The following DYSF variants were observed in gnomAD, a reference collection of about 807,000 sequenced individuals.
DYSF encodes dysferlin, also known as dystrophy-associated fer-1-like 1.
DYSF carries 212 observed loss-of-function variants against 274.9 expected under a neutral mutation model. That is an observed-to-expected ratio of 0.77 (90% confidence interval 0.69 to 0.86). The LOEUF is 0.86. Ranked by LOEUF, DYSF falls within the 40% of genes least tolerant of loss-of-function variation. The pLI, the probability that DYSF is intolerant of heterozygous loss-of-function variation, is 0.00. For missense variants in DYSF, 2,666 were observed against 2,783.2 expected (o/e 0.96, Z 0.95); for synonymous variants, 1,091 against 1,078.7 (o/e 1.01, Z -0.22).
Position 71,667,450 on chromosome 2 carries a change from G to T in DYSF, c.5392G>T (p.Gly1798Cys). Residue 1798 changes from glycine (G) to cysteine (C), a missense_variant, in exon 48 of 56, where the codon GGC (glycine) becomes TGC (cysteine). Coordinates refer to ENST00000410020, the MANE Select transcript of DYSF (RefSeq NM_001130987.2). ...GGCTCTGCATGTGCTTCAGCAGCAG[G>T]GCCTGGTCCCGGAGCACGTGGAGTC... ...RLALHVLQQQ[G>C]LVPEHVESRP... 1 of 1,614,092 alleles carries T rather than the reference G, an allele frequency of 6.2e-7. No individual in the cohort carries two copies. Among genetic ancestry groups the T allele is most frequent in the Non-Finnish European group, 8.5e-7 (1 of 1,180,020 alleles).
At chr2:71,663,891 G>A (rs1170859152) in intron 45 of DYSF, among the ~76,000 whole-genome samples, 1 of 151,896 alleles carries the variant, frequency 6.6e-6, no homozygotes. Flanking sequence ...TGGACTGGAG[G>A]TACCAGTCGT....
At chr2:71,543,570 A>C (rs931632855) in intron 17 of DYSF, among the ~76,000 whole-genome samples, 2 of 152,242 alleles carry the variant, frequency 1.3e-5, no homozygotes, top group Admixed American at 6.5e-5. Flanking sequence ...AGCCTGGGCA[A>C]CATTGAGCAC....
At chr2:71,510,560 T>A (rs2085985274) in intron 4 of DYSF, among the ~76,000 whole-genome samples, 2 of 152,182 alleles carry the variant, frequency 1.3e-5, no homozygotes, top group South Asian at 4.1e-4. Flanking sequence ...TTTCCACCAG[T>A]GCTGCTCTCC....
intron 12 of DYSF, 82 bp downstream of exon 12, chr2:71,520,986 C>G (rs1178243630): frequency 1.7e-6 from 2 of 1,174,502 alleles, no homozygotes; most frequent in Non-Finnish European, 2.5e-6. Flanking sequence ...AACAAAAACT[C>G]TATTTTTTTT....
At chr2:71,677,138 G>A (rs1258663711) in intron 52 of DYSF, among the ~76,000 whole-genome samples, 1 of 152,148 alleles carries the variant, frequency 6.6e-6, no homozygotes, top group Non-Finnish European at 1.5e-5. Context: ...TAGATATAGT[G>A]CTTAACAAAT....
At position 71,480,883 on chromosome 2, in the gene DYSF, G is replaced by T. The variant is rs1380358087; in HGVS notation, c.92G>T (p.Gly31Val). ...ATTCTCCCTTTTGTGTCTCTTGTAG[G>T]GGTGAAGAAGAGAACCAAAGTCATC... Reference protein sequence around the residue: ...SDPVASLTFRGVKKRTKVIKN... With the variant: ...SDPVASLTFRVVKKRTKVIKN... Residue 31 changes from glycine to valine, a missense_variant and splice_region_variant, in exon 2 of 56, where the codon GGG becomes GTG. Gly to Val is a moderately radical substitution (Grantham distance 109). Transcript: ENST00000410020. 1 of 1,613,698 alleles carries T rather than the reference G, an allele frequency of 6.2e-7. No homozygotes were observed. The highest frequency in any genetic ancestry group is 8.5e-7 in the Non-Finnish European group (1 of 1,179,718).
At chr2:71,648,827 A>G (rs914851858) in intron 42 of DYSF, among the ~76,000 whole-genome samples, 1 of 152,220 alleles carries the variant, frequency 6.6e-6, no homozygotes, top group African/African-American at 2.4e-5. Context: ...ACAGCATTCC[A>G]TATCCAAAGA....
Position 71,549,221 on chromosome 2 carries a change from T to G in DYSF, c.1577-1820T>G, listed in dbSNP as rs1282308071. Reference sequence around the variant, plus strand: ...AGAGGGTGGGGCCTCGGGCCACATCTGTTTCACACCCGGGAGCTGTCTTTC... The same window carrying G: ...AGAGGGTGGGGCCTCGGGCCACATCGGTTTCACACCCGGGAGCTGTCTTTC... On this transcript the variant is annotated intron_variant, in intron 17 of 55. Transcript: ENST00000410020. The G allele has an allele frequency of 3.4e-6, 3 of 871,990 alleles. No homozygotes were observed. In the East Asian group the frequency reaches 8.0e-5, roughly 23 times the overall value. The allele number at this position is 871,990 out of a possible 1,614,324, so 54.0% of individuals were successfully genotyped here.
chr2:71,656,965 A>T (rs2094786650), intron 43 of DYSF, among the ~76,000 whole-genome samples: 2 of 152,216 alleles, frequency 1.3e-5, no homozygotes, highest in South Asian at 4.1e-4. Context: ...AAAACCAATT[A>T]TGCCTTCCTT....
chr2:71,587,844 A>C (rs1574190053), intron 30 of DYSF, among the ~76,000 whole-genome samples: 1 of 152,286 alleles, frequency 6.6e-6, no homozygotes. Context: ...CTGTGGTGGA[A>C]GTCAGAGCCC....
intron 33 of DYSF, among the ~76,000 whole-genome samples, chr2:71,599,962 T>C (rs2093506674): frequency 6.6e-6 from 1 of 151,772 alleles, no homozygotes; most frequent in Non-Finnish European, 1.5e-5. Flanking sequence ...GAAGAGTCCA[T>C]GTGGGACTGT....
intron 55 of DYSF, among the ~76,000 whole-genome samples, chr2:71,684,996 T>C (rs2095339035): frequency 1.3e-5 from 2 of 152,144 alleles, no homozygotes; most frequent in Admixed American, 1.3e-4. Flanking sequence ...AGGTCCAAAG[T>C]GGCATCACCA....
chr2:71,633,579 T>C (rs1002343946), intron 41 of DYSF, among the ~76,000 whole-genome samples: 2 of 152,234 alleles, frequency 1.3e-5, no homozygotes, highest in Non-Finnish European at 2.9e-5. Context: ...GTTATGTTAC[T>C]ATCTTGATGA....
intron 41 of DYSF, among the ~76,000 whole-genome samples, chr2:71,622,130 G>GTTTTTTTGTTTTTTTTTTT (rs2094118759): frequency 3.1e-5 from 3 of 97,004 alleles, no homozygotes; most frequent in Non-Finnish European, 4.0e-5. Context: ...TGATTTCTTT[G>GTTTTTTTGTTTTTTTTTTT]TTTTTTTTTT....
At position 71,668,809 on chromosome 2, in the gene DYSF, C is replaced by G. The variant is rs761575935; in HGVS notation, c.5513C>G (p.Pro1838Arg). 1 of 1,613,920 alleles carries G rather than the reference C, an allele frequency of 6.2e-7. No individual in the cohort carries two copies. The highest frequency in any genetic ancestry group is 8.5e-7 in the Non-Finnish European group (1 of 1,179,996). Residue 1838 changes from proline to arginine, a missense_variant, in exon 49 of 56, where the codon CCT (proline) becomes CGT (arginine). Around this residue, in one of 3 missense-constraint regions of DYSF, gnomAD observed 1,460 missense variants for 1,502.1 expected, o/e 0.97. Transcript: ENST00000410020. The stretch of plus-strand genomic sequence containing the variant: ...CCGAAGGCCCTGGGGCGGCCTGGAC[C>G]TCCCTTCAACATCACCCCACGGAGA... ...LFPKALGRPG[P>R]PFNITPRRAR...
intron 45 of DYSF, among the ~76,000 whole-genome samples, chr2:71,662,522 CTG>C (rs901645078): frequency 1.2e-4 from 15 of 122,028 alleles, no homozygotes; most frequent in African/African-American, 4.0e-4. Context: ...GTATGTGTGT[CTG>C]TGTTCGTGTG....
At chr2:71,599,657 C>T (rs917990414) in intron 33 of DYSF, among the ~76,000 whole-genome samples, 9 of 152,302 alleles carry the variant, frequency 5.9e-5, no homozygotes, top group African/African-American at 1.9e-4. Context: ...TGGATGCTGC[C>T]GGAAGAGATC....
intron 5 of DYSF, among the ~76,000 whole-genome samples, 158 bp from the exon 6 acceptor site, chr2:71,513,082 G>A (rs2086262045): frequency 6.6e-6 from 1 of 152,186 alleles, no homozygotes; most frequent in Admixed American, 6.5e-5. Context: ...GTGGTGAGAA[G>A]GAACAGGTGC....
At chr2:71,574,104 T>A in intron 29 of DYSF, 94 bp from the exon 30 acceptor site, 1 of 1,496,720 alleles carries the variant, frequency 6.7e-7, no homozygotes. Context: ...GGTGGGGAGT[T>A]GTCATGGAAG....
Sources: gnomAD v4.1 joint callset for allele counts (sites outside exome capture counted in the v4.1 genomes callset) on GRCh38, gnomAD v4.1.1 for gene constraint, gnomAD v4.1.1 regional missense constraint, MANE v1.5 for transcripts, NCBI Gene and HGNC (gene_info 2026-07-23, HGNC 2026-07-21) for gene names.